The following MACROD1 variants were observed in gnomAD, a reference collection of about 807,000 sequenced individuals.
The protein encoded by MACROD1 is mono-ADP ribosylhydrolase 1, also known as ADP-ribose glycohydrolase MACROD1.
MACROD1 carries 31 observed loss-of-function variants against 41.4 expected under a neutral mutation model. That is an observed-to-expected ratio of 0.75 (90% CI 0.56 to 1.01). MACROD1 has a LOEUF of 1.01. Among genes scored for constraint, MACROD1 ranks in the 50% least tolerant of loss-of-function variants. MACROD1 has a pLI of 0.00. For synonymous variants in MACROD1, 252 were observed against 203.4 expected (o/e 1.24, Z -2.03); for missense variants, 473 against 460.0 (o/e 1.03, Z -0.26).
At chr11:64,083,925 G>A (rs1944347225) in intron 3 of MACROD1, among the ~76,000 whole-genome samples, 1 of 152,188 alleles carries the variant, frequency 6.6e-6, no homozygotes, top group Non-Finnish European at 1.5e-5. Flanking sequence ...CCGTGGGCAG[G>A]GGCACATATG....
At chr11:64,063,607 C>T (rs1235838959) in intron 3 of MACROD1, among the ~76,000 whole-genome samples, 2 of 152,172 alleles carry the variant, frequency 1.3e-5, no homozygotes, top group African/African-American at 2.4e-5. Context: ...GTGAAGCTCA[C>T]GTAGGAATGA....
intron 3 of MACROD1, among the ~76,000 whole-genome samples, chr11:64,136,173 G>A (rs1945329622): frequency 6.6e-6 from 1 of 152,192 alleles, no homozygotes; most frequent in South Asian, 2.1e-4. Flanking sequence ...AAGCTCTCCA[G>A]ACACACCCAT....
intron 3 of MACROD1, among the ~76,000 whole-genome samples, chr11:64,052,852 G>C (rs949974456): frequency 6.6e-6 from 1 of 152,162 alleles, no homozygotes. Flanking sequence ...GGTGCCAGCA[G>C]CTTTAATTAT....
At chr11:64,136,539 G>A (rs1016454577) in intron 3 of MACROD1, among the ~76,000 whole-genome samples, 8 of 152,198 alleles carry the variant, frequency 5.3e-5, no homozygotes, top group Admixed American at 2.0e-4. Flanking sequence ...CTGGAGGCTG[G>A]GGGATGCACC....
intron 3 of MACROD1, among the ~76,000 whole-genome samples, chr11:64,030,557 C>T (rs1590814736): frequency 1.3e-5 from 2 of 152,240 alleles, no homozygotes; most frequent in East Asian, 3.9e-4. Flanking sequence ...GATTCTAAGT[C>T]ACGATACTAT....
intron 3 of MACROD1, among the ~76,000 whole-genome samples, chr11:64,102,059 T>C (rs641430): frequency 0.47 from 71,014 of 151,990 alleles, 17,390 homozygotes; most frequent in African/African-American, 0.61. Context: ...TAACGGCCTC[T>C]GACAACAAGC....
chr11:63,998,705 T>G lies in MACROD1; in HGVS notation c.*31-18A>C, dbSNP rs1050183631. 12 of 1,387,538 alleles carry G rather than the reference T, an allele frequency of 8.6e-6. No individual in the cohort carries two copies. The African/African-American group carries it at 1.8e-4, about 21-fold the overall frequency. The allele number at this position is 1,387,538 out of a possible 1,614,324, so 86.0% of individuals were successfully genotyped here. The stretch of plus-strand genomic sequence containing the variant: ...AGGCGGGTCTGAGGGCAGAGCAGAG[T>G]CAGAGGTGTCTATGGGCGTCCCCGA... On this transcript the variant is annotated intron_variant, in intron 10 of 10. Coordinates refer to ENST00000255681, the MANE Select transcript of MACROD1 (RefSeq NM_014067.4).
In MACROD1 at chr11:63,998,845, G is replaced by A. The variant is rs1488315447; in HGVS notation, c.*23C>T. 1.3e-6 allele frequency: 2 copies of A among 1,583,630 alleles called. No individual in the cohort carries two copies. The highest frequency in any genetic ancestry group is 1.7e-6 in the Non-Finnish European group (2 of 1,167,544). On this transcript the variant is annotated 3_prime_UTR_variant, in exon 10 of 11. Transcript: ENST00000255681. ...GGGCGAGGCCCTGCTTACCAGTCCCGGTCAGGGTGGGCTGCGGGAGCCTCA... is the reference window on the plus strand; with the variant it reads ...GGGCGAGGCCCTGCTTACCAGTCCCAGTCAGGGTGGGCTGCGGGAGCCTCA...
rs58369908 is a variant in MACROD1 at position 64,031,470 on chromosome 11, G to T, written c.518-16189C>A. ...CTGGAGCCTGCCTGCCTGCCTGCCT[G>T]CCTTCCTTTTTTTTTTTTTTTTTTT... is the stretch of plus-strand genomic sequence containing the variant. On this transcript the variant is annotated intron_variant, in intron 3 of 10. Transcript: ENST00000255681. Among the ~76,000 whole-genome samples the T allele has an allele frequency of 8.6e-3, 1,136 of 132,834 alleles. 11 individuals carry two copies. Among genetic ancestry groups the T allele is most frequent in the African/African-American group, 0.026 (917 of 34,816 alleles). The allele number at this position is 132,834 out of a possible 152,430, so 87.1% of individuals were successfully genotyped here.
At chr11:64,080,324 T>C (rs1215618004) in intron 3 of MACROD1, among the ~76,000 whole-genome samples, 2 of 152,208 alleles carry the variant, frequency 1.3e-5, no homozygotes, top group East Asian at 3.8e-4. Context: ...AATATTTTTC[T>C]TTATAAGCTT....
chr11:64,099,879 C>T (rs978311942), intron 3 of MACROD1, among the ~76,000 whole-genome samples: 12 of 141,320 alleles, frequency 8.5e-5, no homozygotes, highest in Admixed American at 2.1e-4. Flanking sequence ...ATGGAGGGAT[C>T]GAGAAATGGA....
rs757510449 is a variant in MACROD1 at position 63,999,733 on chromosome 11, T to C, written c.695A>G (p.Tyr232Cys). 4 of 1,607,658 alleles carry C rather than the reference T, an allele frequency of 2.5e-6. No individual in the cohort carries two copies. The African/African-American group carries it at 4.0e-5, about 16-fold the overall frequency. Reference sequence around the variant, plus strand: ...AGCCTGACTGGCGCTGGGCTCCCCGTAGGCGATGGGCCCCACTGTGTGGAT... The same window carrying C: ...AGCCTGACTGGCGCTGGGCTCCCCGCAGGCGATGGGCCCCACTGTGTGGAT... ...YVIHTVGPIA[Y>C]GEPSASQAAE... The change falls in exon 6 of 11, where the codon TAC becomes TGC. Residue 232 changes from tyrosine to cysteine, a missense_variant. Coordinates refer to ENST00000255681, the MANE Select transcript of MACROD1 (RefSeq NM_014067.4).
chr11:64,005,782 G>A (rs1206944758), intron 4 of MACROD1, among the ~76,000 whole-genome samples: 2 of 152,242 alleles, frequency 1.3e-5, no homozygotes, highest in Non-Finnish European at 2.9e-5. Context: ...TGGCTGCACT[G>A]CCAGGGTGGA....
At chr11:64,093,687 C>T (rs1003536046) in intron 3 of MACROD1, among the ~76,000 whole-genome samples, 2 of 152,250 alleles carry the variant, frequency 1.3e-5, no homozygotes, top group African/African-American at 2.4e-5. Context: ...GCCCCACCCC[C>T]TCTTGGTCAT....
chr11:64,028,519 G>A (rs1407883966), intron 3 of MACROD1, among the ~76,000 whole-genome samples: 1 of 152,216 alleles, frequency 6.6e-6, no homozygotes, highest in East Asian at 1.9e-4. Flanking sequence ...GGTCAGTGTG[G>A]CAGCCATTGG....
chr11:64,066,594 C>T (rs1479433279), intron 3 of MACROD1, among the ~76,000 whole-genome samples: 7 of 150,216 alleles, frequency 4.7e-5, no homozygotes, highest in Non-Finnish European at 1.0e-4. Flanking sequence ...ATAGCCACTG[C>T]ATTCCAGCCT....
At position 64,015,264 on chromosome 11, in the gene MACROD1, C is replaced by G. The variant is rs771749117; in HGVS notation, c.535G>C (p.Gly179Arg). ...IVNAANSSLL[G>R]GGGVDGCIHR... is the part of the protein sequence containing the mutation. ...AAGGTCCACTCACCGCCACCGCCTC[C>G]GAGCAGGGAGCTGTTGGCTGCAAGA... Residue 179 changes from glycine to arginine, a missense_variant, in exon 4 of 11, where the codon GGA becomes CGA. Physicochemically the swap from Gly to Arg is moderately radical, Grantham distance 125. Transcript: ENST00000255681. The G allele has an allele frequency of 3.7e-6, 6 of 1,605,484 alleles. No homozygotes were observed. The highest frequency in any genetic ancestry group is 5.1e-6 in the Non-Finnish European group (6 of 1,176,112).
chr11:64,116,893 G>GC, intron 3 of MACROD1: 3 of 1,611,340 alleles, frequency 1.9e-6, no homozygotes, highest in Non-Finnish European at 2.5e-6. Flanking sequence ...GATGACAACC[G>GC]CATCTCCACC....
At chr11:64,014,111 C>G (rs1943049294) in intron 4 of MACROD1, among the ~76,000 whole-genome samples, 1 of 152,130 alleles carries the variant, frequency 6.6e-6, no homozygotes, top group East Asian at 1.9e-4. Context: ...CAGCTCGGGG[C>G]CCGGCACACA....
Sources: allele counts gnomAD v4.1 joint callset (sites outside exome capture counted in the v4.1 genomes callset), GRCh38; gene constraint gnomAD v4.1.1; transcripts MANE v1.5; gene names NCBI Gene and HGNC (gene_info 2026-07-23, HGNC 2026-07-21).